THRB: variants seen among roughly 807,000 people sequenced by gnomAD.
The protein encoded by THRB is nuclear receptor subfamily 1 group A member 2.
A neutral mutation model predicts 47.8 loss-of-function variants in THRB; 12 were observed. The ratio of observed to expected loss-of-function variants is 0.25; its 90% CI spans 0.16 to 0.41. The LOEUF (loss-of-function observed/expected upper bound fraction) is 0.41. THRB is among the 10% of genes least tolerant of loss of function. THRB has a pLI of 1.00. For synonymous variants in THRB, 218 were observed against 212.2 expected (o/e 1.03, Z -0.24); for missense variants, 348 against 589.2 (o/e 0.59, Z 4.24).
intron 1 of THRB, among the ~76,000 whole-genome samples, chr3:24,475,257 T>C (rs1286484917): frequency 1.3e-5 from 2 of 152,198 alleles, no homozygotes; most frequent in African/African-American, 2.4e-5. Flanking sequence ...TTTAAGTTAA[T>C]ATTTTATTTT....
chr3:24,444,934 C>T (rs1396721191), intron 1 of THRB, among the ~76,000 whole-genome samples: 2 of 152,080 alleles, frequency 1.3e-5, no homozygotes, highest in African/African-American at 4.8e-5. Flanking sequence ...TTAAAGAATG[C>T]TGAGACAATA....
At chr3:24,214,798 C>T (rs1050105605) in intron 4 of THRB, among the ~76,000 whole-genome samples, 6 of 152,224 alleles carry the variant, frequency 3.9e-5, no homozygotes, top group Non-Finnish European at 7.3e-5. Flanking sequence ...GGAGGCTTAG[C>T]AATGGAAAGG....
At chr3:24,434,961 G>A (rs908367523) in intron 1 of THRB, among the ~76,000 whole-genome samples, 1 of 152,134 alleles carries the variant, frequency 6.6e-6, no homozygotes, top group Non-Finnish European at 1.5e-5. Flanking sequence ...ATGAGGAATG[G>A]GGCATGTTCA....
intron 2 of THRB, among the ~76,000 whole-genome samples, chr3:24,310,953 C>A (rs1338714479): frequency 6.6e-6 from 1 of 152,136 alleles, no homozygotes; most frequent in Non-Finnish European, 1.5e-5. Flanking sequence ...CTACTTATTT[C>A]AGAAGCCTTC....
intron 1 of THRB, among the ~76,000 whole-genome samples, chr3:24,367,864 A>G (rs1328601536): frequency 6.6e-6 from 1 of 152,156 alleles, no homozygotes; most frequent in Non-Finnish European, 1.5e-5. Context: ...TGTGATTGCC[A>G]TGGGGACAAA....
chr3:24,407,542 A>G (rs567658411), intron 1 of THRB, among the ~76,000 whole-genome samples: 1 of 152,008 alleles, frequency 6.6e-6, no homozygotes, highest in South Asian at 2.1e-4. Flanking sequence ...TAAAAGAATG[A>G]AATAATTAGC....
intron 2 of THRB, among the ~76,000 whole-genome samples, chr3:24,315,191 T>C (rs1006438618): frequency 5.3e-5 from 8 of 152,156 alleles, no homozygotes; most frequent in Non-Finnish European, 1.5e-5. Flanking sequence ...CACACATTAA[T>C]TGCAACACAA....
chr3:24,319,508 A>G (rs563472326), intron 2 of THRB, among the ~76,000 whole-genome samples: 1 of 152,376 alleles, frequency 6.6e-6, no homozygotes, highest in East Asian at 1.9e-4. Flanking sequence ...AAGTTCAAGA[A>G]CAGATAAAAA....
intron 8 of THRB, 129 bp from the exon 9 acceptor site, chr3:24,133,591 G>T: frequency 2.3e-6 from 2 of 869,018 alleles, no homozygotes; most frequent in East Asian, 2.6e-5. Flanking sequence ...CACATCATTT[G>T]TTAACAAACT....
At chr3:24,198,481 A>G (rs1370916926) in intron 4 of THRB, among the ~76,000 whole-genome samples, 1 of 103,446 alleles carries the variant, frequency 9.7e-6, no homozygotes, top group African/African-American at 3.9e-5. Flanking sequence ...TTTTTTAACT[A>G]CTAGTAATTA....
intron 1 of THRB, among the ~76,000 whole-genome samples, chr3:24,342,514 C>T (rs9833191): frequency 0.68 from 103,313 of 151,992 alleles, 36,535 homozygotes; most frequent in African/African-American, 0.87. Flanking sequence ...GTCAGAGATA[C>T]TGTCTGAGGC....
chr3:24,284,938 G>A (rs2055089996), intron 3 of THRB, among the ~76,000 whole-genome samples: 1 of 152,130 alleles, frequency 6.6e-6, no homozygotes, highest in Admixed American at 6.5e-5. Context: ...AACAACAGGT[G>A]CTGGAGAGGA....
chr3:24,362,171 C>T (rs1210736745), intron 1 of THRB, among the ~76,000 whole-genome samples: 1 of 151,898 alleles, frequency 6.6e-6, no homozygotes, highest in Non-Finnish European at 1.5e-5. Context: ...TCCTCAAAAC[C>T]CTTCAGTGGC....
At chr3:24,356,138 G>T (rs906990742) in intron 1 of THRB, among the ~76,000 whole-genome samples, 1 of 152,026 alleles carries the variant, frequency 6.6e-6, no homozygotes, top group Non-Finnish European at 1.5e-5. Flanking sequence ...AAAAGGAGAG[G>T]GTGAAGGATC....
chr3:24,156,901 C>T (rs552582268), intron 5 of THRB, among the ~76,000 whole-genome samples: 49 of 152,190 alleles, frequency 3.2e-4, no homozygotes, highest in Non-Finnish European at 1.3e-4. Flanking sequence ...TATCCTTTAG[C>T]CTTTCCCCAA....
At chr3:24,274,514 T>C (rs1333547023) in intron 3 of THRB, among the ~76,000 whole-genome samples, 2 of 152,178 alleles carry the variant, frequency 1.3e-5, no homozygotes, top group Admixed American at 6.5e-5. Flanking sequence ...TCTAAACACT[T>C]TTTATAGCCT....
At chr3:24,226,689 G>A (rs1017674630) in intron 4 of THRB, among the ~76,000 whole-genome samples, 1 of 152,126 alleles carries the variant, frequency 6.6e-6, no homozygotes, top group Admixed American at 6.5e-5. Context: ...AGACCTGGGG[G>A]CTCTGCTCAG....
chr3:24,483,591 A>C (rs1047713313), intron 1 of THRB, among the ~76,000 whole-genome samples: 2 of 152,204 alleles, frequency 1.3e-5, no homozygotes, highest in African/African-American at 4.8e-5. Context: ...TGAACTACAC[A>C]GATTTATCAA....
intron 1 of THRB, among the ~76,000 whole-genome samples, chr3:24,385,750 T>C (rs1326667051): frequency 6.6e-6 from 1 of 152,114 alleles, no homozygotes; most frequent in East Asian, 1.9e-4. Context: ...TTACCATCAA[T>C]GGGAAGGCAG....
Sources: gnomAD v4.1 joint callset for allele counts (sites outside exome capture counted in the v4.1 genomes callset) on GRCh38, gnomAD v4.1.1 for gene constraint, MANE v1.5 for transcripts, NCBI Gene and HGNC (gene_info 2026-07-23, HGNC 2026-07-21) for gene names.